AMBRA1: variants seen among roughly 807,000 people sequenced by gnomAD.
AMBRA1 encodes the protein activating molecule in BECN1-regulated autophagy protein 1.
A neutral mutation model predicts 125.4 loss-of-function variants in AMBRA1; 47 were observed. The ratio of observed to expected loss-of-function variants is 0.37; its 90% CI spans 0.30 to 0.48. AMBRA1 has a LOEUF of 0.48. Among genes scored for constraint, AMBRA1 ranks in the 20% least tolerant of loss-of-function variants. The pLI is 0.99. For missense variants in AMBRA1, 1,331 were observed against 1,693.4 expected, an observed-to-expected ratio of 0.79 and a Z score of 3.76; for synonymous variants, 626 against 655.5, an observed-to-expected ratio of 0.95 and a Z score of 0.69.
chr11:46,407,462 G>A (rs953059106), intron 17 of AMBRA1, among the ~76,000 whole-genome samples: 4 of 152,210 alleles, frequency 2.6e-5, no homozygotes, highest in Non-Finnish European at 5.9e-5. Context: ...AGGGCCTGAA[G>A]ATGGCAGAAG....
intron 11 of AMBRA1, among the ~76,000 whole-genome samples, chr11:46,465,630 G>C (rs1029403167): frequency 6.6e-6 from 1 of 152,144 alleles, no homozygotes; most frequent in African/African-American, 2.4e-5. Context: ...AGAGTGCAAA[G>C]AGAAAAAGTG....
intron 11 of AMBRA1, among the ~76,000 whole-genome samples, chr11:46,492,317 C>G (rs914429593): frequency 6.6e-6 from 1 of 152,188 alleles, no homozygotes; most frequent in South Asian, 2.1e-4. Flanking sequence ...AAGGCCAGAT[C>G]CCATGGCCTT....
intron 1 of AMBRA1, among the ~76,000 whole-genome samples, chr11:46,555,302 T>C (rs73449939): frequency 0.012 from 1,838 of 152,320 alleles, 44 homozygotes; most frequent in African/African-American, 0.042. Flanking sequence ...AAGTTAGATT[T>C]AGAGGTTCCT....
At chr11:46,589,724 A>G (rs1478065900) in intron 1 of AMBRA1, among the ~76,000 whole-genome samples, 2 of 151,664 alleles carry the variant, frequency 1.3e-5, no homozygotes, top group African/African-American at 4.8e-5. Flanking sequence ...GGTTCACGCC[A>G]TTCTCCTGCC....
intron 1 of AMBRA1, among the ~76,000 whole-genome samples, chr11:46,561,835 A>T (rs2043348403): frequency 2.0e-5 from 3 of 152,174 alleles, no homozygotes; most frequent in Admixed American, 2.0e-4. Flanking sequence ...AGATTTAAGA[A>T]CCTAGTTATT....
chr11:46,579,421 C>T (rs2044094354), intron 1 of AMBRA1, among the ~76,000 whole-genome samples: 1 of 152,168 alleles, frequency 6.6e-6, no homozygotes, highest in South Asian at 2.1e-4. Context: ...CACGCCATTG[C>T]ACTCCAGCCT....
intron 1 of AMBRA1, among the ~76,000 whole-genome samples, chr11:46,564,913 T>G (rs970453924): frequency 6.6e-6 from 1 of 152,134 alleles, no homozygotes; most frequent in African/African-American, 2.4e-5. Flanking sequence ...GCACCAGAAA[T>G]CACGGTAAAT....
At chr11:46,547,917 G>A in intron 2 of AMBRA1, 42 bp from the exon 3 acceptor site, 2 of 1,560,004 alleles carry the variant, frequency 1.3e-6, no homozygotes, top group Non-Finnish European at 1.7e-6. Context: ...TACATGATTT[G>A]TAGACCATGG....
At chr11:46,412,198 T>C (rs1165556539) in intron 15 of AMBRA1, among the ~76,000 whole-genome samples, 1 of 152,212 alleles carries the variant, frequency 6.6e-6, no homozygotes, top group Non-Finnish European at 1.5e-5. Context: ...CTATGGTTGC[T>C]CAAGTCCCTA....
At chr11:46,528,339 T>A (rs1952070346) in intron 7 of AMBRA1, among the ~76,000 whole-genome samples, 1 of 152,182 alleles carries the variant, frequency 6.6e-6, no homozygotes, top group Non-Finnish European at 1.5e-5. Flanking sequence ...CTCGGCTAAG[T>A]TTTGTATTTT....
intron 9 of AMBRA1, among the ~76,000 whole-genome samples, chr11:46,497,051 C>T (rs1259138335): frequency 6.6e-6 from 1 of 151,862 alleles, no homozygotes; most frequent in Non-Finnish European, 1.5e-5. Context: ...GCGGAGGTTG[C>T]AGTGAGCCAA....
At chr11:46,589,856 T>C (rs1442093155) in intron 1 of AMBRA1, among the ~76,000 whole-genome samples, 1 of 151,418 alleles carries the variant, frequency 6.6e-6, no homozygotes, top group Non-Finnish European at 1.5e-5. Flanking sequence ...TCTCCTGACC[T>C]CATGATCCAC....
intron 11 of AMBRA1, among the ~76,000 whole-genome samples, chr11:46,456,350 T>C (rs1270388208): frequency 1.3e-5 from 2 of 152,192 alleles, no homozygotes; most frequent in Non-Finnish European, 2.9e-5. Context: ...CCTCCACTAA[T>C]ACATTCCCCA....
intron 11 of AMBRA1, among the ~76,000 whole-genome samples, chr11:46,476,010 C>T (rs1261235109): frequency 6.6e-6 from 1 of 152,160 alleles, no homozygotes; most frequent in East Asian, 1.9e-4. Flanking sequence ...AGAAAATGGT[C>T]ACTCTTCCAT....
chr11:46,454,168 G>T (rs1209676655), intron 11 of AMBRA1, among the ~76,000 whole-genome samples: 1 of 151,998 alleles, frequency 6.6e-6, no homozygotes, highest in Non-Finnish European at 1.5e-5. Flanking sequence ...TATGAGGAAA[G>T]GAAAAGAAAT....
chr11:46,478,902 A>T (rs1182445279), intron 11 of AMBRA1, among the ~76,000 whole-genome samples: 4 of 152,116 alleles, frequency 2.6e-5, no homozygotes, highest in African/African-American at 4.8e-5. Flanking sequence ...GGACACTTTT[A>T]AAAAAAGCAA....
chr11:46,436,783 T>C (rs904016313), intron 12 of AMBRA1, among the ~76,000 whole-genome samples: 2 of 152,230 alleles, frequency 1.3e-5, no homozygotes, highest in African/African-American at 4.8e-5. Flanking sequence ...TTTCTAACTC[T>C]GAGGCTGACA....
chr11:46,560,807 CA>C (rs1302856552), intron 1 of AMBRA1, among the ~76,000 whole-genome samples: 5 of 151,890 alleles, frequency 3.3e-5, no homozygotes, highest in Non-Finnish European at 7.4e-5. Context: ...TAGCAAGCAA[CA>C]AAAAAAGAGT....
At position 46,543,234 on chromosome 11, in the gene AMBRA1, T is replaced by G; in HGVS notation, c.783A>C (p.Thr261=). The G allele has an allele frequency of 6.2e-7, 1 of 1,613,150 alleles. No homozygotes were observed. Among genetic ancestry groups the G allele is most frequent in the Non-Finnish European group, 8.5e-7 (1 of 1,179,776 alleles). ...SSGIQVGEQS[T]VQDSATPSPP... ...GTGAGGGGGTAGCAGAATCTTGCAC[T>G]GTGCTTTGCTCTCCCACCTGGATGC... The change falls in exon 7 of 18, where the codon ACA becomes ACC. Residue 261 remains threonine (T), a synonymous_variant. Coordinates refer to ENST00000683756, the MANE Select transcript of AMBRA1 (RefSeq NM_001387011.1).
Sources: allele counts gnomAD v4.1 joint callset (sites outside exome capture counted in the v4.1 genomes callset), GRCh38; gene constraint gnomAD v4.1.1; transcripts MANE v1.5; gene names NCBI Gene and HGNC (gene_info 2026-07-23, HGNC 2026-07-21).